The following KCNQ5 variants were observed in gnomAD, a reference collection of about 807,000 sequenced individuals.
KCNQ5 encodes the protein potassium voltage-gated channel subfamily Q member 5.
In KCNQ5, 30 loss-of-function variants were observed where a neutral mutation model predicts 98.2. That is an observed-to-expected ratio of 0.31 (90% CI 0.23 to 0.41). KCNQ5 has a LOEUF of 0.41. Ranked by LOEUF, KCNQ5 falls within the 10% of genes least tolerant of loss-of-function variation. KCNQ5 has a pLI of 1.00. For missense variants in KCNQ5, 835 were observed against 1,182.5 expected (o/e 0.71, Z 4.31); for synonymous variants, 458 against 449.4 (o/e 1.02, Z -0.24).
chr6:72,750,080 A>G (rs2144089), intron 1 of KCNQ5, among the ~76,000 whole-genome samples: 119,893 of 152,036 alleles, frequency 0.79, 47,832 homozygotes, highest in East Asian at 0.95. Context: ...TATCCAAATA[A>G]CACATGGCAA....
At chr6:72,987,312 A>G in intron 1 of KCNQ5, 1 of 702,456 alleles carries the variant, frequency 1.4e-6, no homozygotes, top group East Asian at 3.0e-5. Flanking sequence ...GAAAGGCAAC[A>G]TGGACGAGGC....
intron 1 of KCNQ5, among the ~76,000 whole-genome samples, chr6:72,631,579 A>G (rs996442990): frequency 6.6e-6 from 1 of 152,208 alleles, no homozygotes; most frequent in African/African-American, 2.4e-5. Flanking sequence ...TTACCATTGG[A>G]TCTGGCAATG....
Position 72,927,136 on chromosome 6 carries a change from G to T in KCNQ5, c.399-76772G>T, listed in dbSNP as rs150801067. On this transcript the variant is annotated intron_variant, in intron 1 of 13. Coordinates refer to ENST00000370398, the MANE Select transcript of KCNQ5 (RefSeq NM_019842.4). ...ATTTTATAAAACTGGCTAACTTTGG[G>T]CCCACTGGGGCATGAGGGGGAGGAT... Among the ~76,000 whole-genome samples the T allele has an allele frequency of 3.3e-5, 5 of 152,292 alleles. No individual in the cohort carries two copies. In the East Asian group the frequency reaches 9.7e-4, roughly 29 times the overall value.
At chr6:72,923,214 T>TC (rs1382150119) in intron 1 of KCNQ5, among the ~76,000 whole-genome samples, 5 of 152,196 alleles carry the variant, frequency 3.3e-5, no homozygotes, top group Non-Finnish European at 5.9e-5. Context: ...AGTGCAGATA[T>TC]CTCTTCCACA....
chr6:72,649,861 A>G (rs1323671712), intron 1 of KCNQ5, among the ~76,000 whole-genome samples: 1 of 152,272 alleles, frequency 6.6e-6, no homozygotes, highest in South Asian at 2.1e-4. Flanking sequence ...AACACATTTT[A>G]TTCACCTGGT....
At chr6:72,769,351 T>C (rs1337246350) in intron 1 of KCNQ5, among the ~76,000 whole-genome samples, 2 of 152,076 alleles carry the variant, frequency 1.3e-5, no homozygotes, top group African/African-American at 2.4e-5. Context: ...GAATAAAGTA[T>C]CAAAATAAAT....
At chr6:73,046,515 C>G (rs984554445) in intron 3 of KCNQ5, among the ~76,000 whole-genome samples, 1 of 151,860 alleles carries the variant, frequency 6.6e-6, no homozygotes, top group African/African-American at 2.4e-5. Flanking sequence ...TTAGGTACTA[C>G]TTTAAGCACT....
intron 5 of KCNQ5, among the ~76,000 whole-genome samples, chr6:73,084,923 C>A (rs922426384): frequency 4.6e-5 from 7 of 152,126 alleles, no homozygotes; most frequent in African/African-American, 4.8e-5. Flanking sequence ...GAATAAGAAC[C>A]AAGAGGGCTC....
At chr6:72,678,677 A>G (rs1401925483) in intron 1 of KCNQ5, 2 of 152,172 alleles carry the variant, frequency 1.3e-5, no homozygotes, top group Non-Finnish European at 2.9e-5. Flanking sequence ...ATAAATGTGT[A>G]TGATGCTGTA....
chr6:73,125,779 C>T (rs1024337811), intron 9 of KCNQ5, among the ~76,000 whole-genome samples: 2 of 152,036 alleles, frequency 1.3e-5, no homozygotes, highest in Admixed American at 6.6e-5. Flanking sequence ...ACATCTTCTG[C>T]GTAGGTAACC....
At chr6:72,656,929 G>C (rs1392317582) in intron 1 of KCNQ5, among the ~76,000 whole-genome samples, 1 of 152,052 alleles carries the variant, frequency 6.6e-6, no homozygotes, top group African/African-American at 2.4e-5. Flanking sequence ...GTGAATCAAG[G>C]TACATTTTAA....
At chr6:72,677,471 A>G (rs1767472586) in intron 1 of KCNQ5, among the ~76,000 whole-genome samples, 1 of 152,164 alleles carries the variant, frequency 6.6e-6, no homozygotes, top group African/African-American at 2.4e-5. Context: ...ATTTAAATTT[A>G]CCTTGAAATG....
intron 5 of KCNQ5, among the ~76,000 whole-genome samples, chr6:73,098,320 T>TA: frequency 6.6e-6 from 1 of 152,156 alleles, no homozygotes; most frequent in East Asian, 1.9e-4. Flanking sequence ...TTATTGGCCT[T>TA]AAAAAGTAGG....
At chr6:72,886,089 G>A (rs1778833410) in intron 1 of KCNQ5, among the ~76,000 whole-genome samples, 1 of 152,162 alleles carries the variant, frequency 6.6e-6, no homozygotes, top group South Asian at 2.1e-4. Context: ...AAGAGCATGA[G>A]CTAGCATGAG....
chr6:72,929,978 T>A (rs933630598), intron 1 of KCNQ5, among the ~76,000 whole-genome samples: 17 of 152,156 alleles, frequency 1.1e-4, no homozygotes, highest in African/African-American at 4.1e-4. Context: ...GGAAGCTTAG[T>A]GTAAGATTTG....
intron 1 of KCNQ5, among the ~76,000 whole-genome samples, chr6:72,981,330 T>A (rs1240954341): frequency 6.6e-6 from 1 of 152,340 alleles, no homozygotes; most frequent in East Asian, 1.9e-4. Context: ...TTGCCTCAAT[T>A]TCAGAGCCTG....
chr6:72,622,166 C>G lies in KCNQ5; in HGVS notation c.-24C>G. 8.2e-7 allele frequency: 1 copy of G among 1,218,596 alleles called. No individual in the cohort carries two copies. Among genetic ancestry groups the G allele is most frequent in the South Asian group, 4.1e-5 (1 of 24,212 alleles). The allele number at this position is 1,218,596 out of a possible 1,614,324, so 75.5% of individuals were successfully genotyped here. On this transcript the variant is annotated 5_prime_UTR_variant, in exon 1 of 14. Transcript: ENST00000370398. This position sits in a 1 kb window ranked among gnomAD's most constrained non-coding sequence, Gnocchi z 6.0. ...CCCCCGCCGCAGGCGCTGGCGGCCC[C>G]CTCGCGGTGCCCGTGGTGATGCCAT...
At chr6:73,131,336 C>A (rs1012046803) in intron 9 of KCNQ5, among the ~76,000 whole-genome samples, 9 of 151,842 alleles carry the variant, frequency 5.9e-5, no homozygotes, top group African/African-American at 2.2e-4. Context: ...AGAGATATAT[C>A]TTGAAAGTTG....
chr6:73,029,498 G>GTT (rs34556698), intron 2 of KCNQ5, among the ~76,000 whole-genome samples: 157 of 147,876 alleles, frequency 1.1e-3, no homozygotes, highest in Middle Eastern at 3.5e-3. Context: ...CCTCAACTCA[G>GTT]TTTTTTTTTT....
Sources: gnomAD v4.1 joint callset for allele counts (sites outside exome capture counted in the v4.1 genomes callset) on GRCh38, gnomAD v4.1.1 for gene constraint, Gnocchi (gnomAD v3.1) non-coding constraint, MANE v1.5 for transcripts, NCBI Gene and HGNC (gene_info 2026-07-23, HGNC 2026-07-21) for gene names.